Variants in CLVS1 observed in about 807,000 individuals in gnomAD.
The protein encoded by CLVS1 is clavesin 1, also known as clavesin-1.
In CLVS1, 10 loss-of-function variants were observed where a neutral mutation model predicts 33.1. The observed-to-expected ratio is 0.30, with a 90% CI of 0.19 to 0.51. The LOEUF (loss-of-function observed/expected upper bound fraction) is 0.51. Ranked by LOEUF, CLVS1 falls within the 20% of genes least tolerant of loss-of-function variation. CLVS1 has a pLI of 0.97. For synonymous variants in CLVS1, 163 were observed against 166.1 expected, an observed-to-expected ratio of 0.98 and a Z score of 0.14; for missense variants, 343 against 433.4, an observed-to-expected ratio of 0.79 and a Z score of 1.85.
At chr8:61,306,440 G>A (rs151168990) in intron 2 of CLVS1, among the ~76,000 whole-genome samples, 18 of 152,238 alleles carry the variant, frequency 1.2e-4, no homozygotes, top group East Asian at 9.7e-4. Flanking sequence ...ATATTAGACC[G>A]TTGTGGGATG....
At chr8:61,085,331 G>A (rs1805097875) in intron 1 of CLVS1, among the ~76,000 whole-genome samples, 1 of 152,106 alleles carries the variant, frequency 6.6e-6, no homozygotes, top group Admixed American at 6.5e-5. Context: ...CATGTAAGTA[G>A]GTCTATGGCA....
chr8:61,289,805 C>A (rs140321541), intron 1 of CLVS1, among the ~76,000 whole-genome samples: 1 of 152,298 alleles, frequency 6.6e-6, no homozygotes, highest in Non-Finnish European at 1.5e-5. Flanking sequence ...ATACTTAAGT[C>A]TCTTTGAGAA....
At chr8:61,234,390 C>T (rs1364524023) in intron 2 of CLVS1, among the ~76,000 whole-genome samples, 1 of 152,144 alleles carries the variant, frequency 6.6e-6, no homozygotes, top group Non-Finnish European at 1.5e-5. Context: ...CTTACATTTC[C>T]GGAGTGCTTT....
At chr8:61,381,757 A>G (rs1395855805) in intron 3 of CLVS1, among the ~76,000 whole-genome samples, 1 of 152,186 alleles carries the variant, frequency 6.6e-6, no homozygotes, top group African/African-American at 2.4e-5. Flanking sequence ...TGTTGCTGCA[A>G]AGGACAGGAT....
intron 2 of CLVS1, among the ~76,000 whole-genome samples, chr8:61,356,488 T>C (rs7002430): frequency 0.99 from 148,248 of 150,124 alleles, 73,207 homozygotes; most frequent in East Asian, 1. Flanking sequence ...AAGTCCTTGC[T>C]CATGCCTATG....
chr8:61,401,081 G>T (rs1783107247), intron 3 of CLVS1, among the ~76,000 whole-genome samples: 1 of 151,352 alleles, frequency 6.6e-6, no homozygotes, highest in Admixed American at 6.6e-5. Context: ...ATTCTTCATT[G>T]CTAGTGTATT....
intron 2 of CLVS1, among the ~76,000 whole-genome samples, chr8:61,165,853 A>C (rs974850958): frequency 6.6e-6 from 1 of 152,136 alleles, no homozygotes; most frequent in Non-Finnish European, 1.5e-5. Flanking sequence ...TTTTGTTGAC[A>C]ATAGCTTTTG....
intron 2 of CLVS1, among the ~76,000 whole-genome samples, chr8:61,220,618 C>T (rs1585699743): frequency 6.8e-6 from 1 of 147,992 alleles, no homozygotes; most frequent in African/African-American, 2.5e-5. Flanking sequence ...GTTCTTTTTG[C>T]TTAGGATTGT....
chr8:60,966,265 T>G, the CLVS1 span: 2 of 406,202 alleles, frequency 4.9e-6, no homozygotes, highest in Non-Finnish European at 9.8e-6. Flanking sequence ...AATGGGGAAG[T>G]TGGTCAGCAT....
intron 2 of CLVS1, among the ~76,000 whole-genome samples, chr8:61,245,746 A>G (rs1035834125): frequency 6.6e-6 from 1 of 151,360 alleles, no homozygotes; most frequent in Non-Finnish European, 1.5e-5. Flanking sequence ...TAAAAATTTT[A>G]TTTCTTTCCT....
At chr8:61,252,529 C>T (rs1289445768) in intron 2 of CLVS1, among the ~76,000 whole-genome samples, 4 of 151,964 alleles carry the variant, frequency 2.6e-5, no homozygotes, top group African/African-American at 7.3e-5. Flanking sequence ...TTAAAATCTC[C>T]CACTATTATT....
At chr8:61,102,366 TA>T (rs892075299) in intron 1 of CLVS1, among the ~76,000 whole-genome samples, 3 of 152,072 alleles carry the variant, frequency 2.0e-5, no homozygotes, top group East Asian at 1.9e-4. Context: ...TATGCAATTG[TA>T]AAAAAAATTG....
intron 2 of CLVS1, among the ~76,000 whole-genome samples, chr8:61,341,503 C>T (rs775127513): frequency 6.6e-5 from 10 of 152,222 alleles, no homozygotes; most frequent in Non-Finnish European, 1.3e-4. Context: ...CAGGAACTCA[C>T]GTCCATGTCC....
At chr8:61,413,462 G>A (rs987689456) in intron 3 of CLVS1, among the ~76,000 whole-genome samples, 3 of 152,098 alleles carry the variant, frequency 2.0e-5, no homozygotes, top group African/African-American at 7.2e-5. Flanking sequence ...TCCAGAGATG[G>A]TGGGCTGGAC....
chr8:61,376,475 A>G, intron 2 of CLVS1, 130 bp from the exon 3 acceptor site: 1 of 745,526 alleles, frequency 1.3e-6, no homozygotes, highest in Non-Finnish European at 2.2e-6. Context: ...CCCTTTGGGT[A>G]CAGGACGCCA....
chr8:61,127,306 C>T (rs1422152837), intron 1 of CLVS1, among the ~76,000 whole-genome samples: 2 of 151,238 alleles, frequency 1.3e-5, no homozygotes, highest in African/African-American at 4.9e-5. Flanking sequence ...CCTCTTGCTT[C>T]CGGGTTGAAG....
In CLVS1 at chr8:61,499,578, TTCAGTGGTA is replaced by T; in HGVS notation, c.*41_*49del. ...ACCCCAATGCTCCTGCACACTGGCC[TTCAGTGGTA>T]TCAGCCACCCAGGAAGCACATGCAC... On this transcript the variant is annotated 3_prime_UTR_variant, in exon 6 of 6. Coordinates refer to ENST00000325897, the MANE Select transcript of CLVS1 (RefSeq NM_173519.3). The T allele has an allele frequency of 6.5e-7, 1 of 1,530,958 alleles. No individual in the cohort carries two copies. The highest frequency in any genetic ancestry group is 9.1e-7 in the Non-Finnish European group (1 of 1,104,886). The allele number at this position is 1,530,958 out of a possible 1,614,324, so 94.8% of individuals were successfully genotyped here. A position where few individuals can be genotyped will look rare whatever the true frequency, so the allele number is the denominator to read the frequency against.
chr8:61,227,176 T>C (rs1994371), intron 2 of CLVS1, among the ~76,000 whole-genome samples: 72,892 of 151,694 alleles, frequency 0.48, 18,290 homozygotes, highest in East Asian at 0.82. Context: ...TCCTAATAAA[T>C]GAGCAAAGTA....
At position 61,077,485 on chromosome 8, in the gene CLVS1, ATTATTATTG is replaced by A. The variant is rs1312178049; in HGVS notation, c.-243+20256_-243+20264del. ...TATTATTATTATTATTATTATTATTATTATTATTGAGACGGAGTCTCACTCTGTGGCCCA... is the reference window on the plus strand; with the variant it reads ...TATTATTATTATTATTATTATTATTAAGACGGAGTCTCACTCTGTGGCCCA... On this transcript the variant is annotated intron_variant, in intron 1 of 2. Coordinates refer to the CLVS1 transcript ENST00000522621. Among the ~76,000 whole-genome samples the A allele has an allele frequency of 4.1e-3, 482 of 116,954 alleles. 1 individual carries two copies. The highest frequency in any genetic ancestry group is 0.015 in the African/African-American group (452 of 29,690). The allele number at this position is 116,954 out of a possible 152,430, so 76.7% of individuals were successfully genotyped here. A position where few individuals can be genotyped will look rare whatever the true frequency, so the allele number is the denominator to read the frequency against.
Sources: allele counts gnomAD v4.1 joint callset (sites outside exome capture counted in the v4.1 genomes callset), GRCh38; gene constraint gnomAD v4.1.1; transcripts MANE v1.5; gene names NCBI Gene and HGNC (gene_info 2026-07-23, HGNC 2026-07-21).